Variants in ACSS2 observed in about 807,000 individuals in gnomAD.
ACSS2 encodes the protein acyl-CoA synthetase short chain family member 2.
A neutral mutation model predicts 90.6 loss-of-function variants in ACSS2; 58 were observed. That is an observed-to-expected ratio of 0.64 (90% CI 0.52 to 0.80). ACSS2 has a LOEUF of 0.80. Ranked by LOEUF, ACSS2 falls within the 30% of genes least tolerant of loss-of-function variation. ACSS2 has a pLI of 0.00. For missense variants in ACSS2, 759 were observed against 912.0 expected (o/e 0.83, Z 2.16); for synonymous variants, 300 against 330.9 (o/e 0.91, Z 1.01).
Position 34,914,796 on chromosome 20 carries a change from G to A in ACSS2, c.834+359G>A, listed in dbSNP as rs537642158. Among the ~76,000 whole-genome samples, 35 of 152,298 alleles carry A rather than the reference G, an allele frequency of 2.3e-4. No individual in the cohort carries two copies. The South Asian group carries it at 7.2e-3, about 32-fold the overall frequency. On this transcript the variant is annotated intron_variant, in intron 7 of 17. Coordinates refer to ENST00000360596, the MANE Select transcript of ACSS2 (RefSeq NM_018677.4). ...ATTACTAGGCTGTGATGTGGGGTGG[G>A]CTATCTTTGTGGCCTAAGGGATGCC... is the stretch of plus-strand genomic sequence containing the variant.
chr20:34,899,690 T>A (rs1361733850), intron 2 of ACSS2, among the ~76,000 whole-genome samples: 1 of 152,008 alleles, frequency 6.6e-6, no homozygotes, highest in South Asian at 2.1e-4. Context: ...GGTTTCACCA[T>A]GTTGGCCAGG....
chr20:34,896,663 A>G (rs2080468235), intron 2 of ACSS2, among the ~76,000 whole-genome samples: 1 of 152,252 alleles, frequency 6.6e-6, no homozygotes, highest in African/African-American at 2.4e-5. Context: ...CCTGTCTGCC[A>G]TTAAGGAACT....
intron 1 of ACSS2, among the ~76,000 whole-genome samples, chr20:34,880,553 T>A (rs1434500147): frequency 6.6e-6 from 1 of 151,546 alleles, no homozygotes; most frequent in African/African-American, 2.4e-5. Flanking sequence ...GCTAAAAAAA[T>A]AATAATAATA....
At chr20:34,905,792 T>C (rs933558065) in intron 2 of ACSS2, among the ~76,000 whole-genome samples, 2 of 152,246 alleles carry the variant, frequency 1.3e-5, no homozygotes, top group African/African-American at 4.8e-5. Context: ...TGTTTTCTTA[T>C]AGGGAAGTGG....
chr20:34,881,527 A>G (rs1412689451), intron 1 of ACSS2, among the ~76,000 whole-genome samples: 1 of 152,136 alleles, frequency 6.6e-6, no homozygotes, highest in African/African-American at 2.4e-5. Context: ...TCCTTATTAT[A>G]CACAGAATTG....
chr20:34,926,898 T>G lies in ACSS2; in HGVS notation c.1925T>G (p.Ile642Ser). Reference protein sequence around the residue: ...KKQIREKIGPIATPDYIQNAP... With the variant: ...KKQIREKIGPSATPDYIQNAP... Reference sequence around the variant, plus strand: ...ACAGTTAGAGAAAAGATTGGCCCCATTGCCACACCAGACTACATCCAGAAT... The same window carrying G: ...ACAGTTAGAGAAAAGATTGGCCCCAGTGCCACACCAGACTACATCCAGAAT... The change falls in exon 17 of 18, where the codon ATT becomes AGT. Residue 642 changes from isoleucine (I) to serine (S), a missense_variant. Transcript: ENST00000360596. 3 of 1,614,066 alleles carry G rather than the reference T, an allele frequency of 1.9e-6. No individual in the cohort carries two copies. Among genetic ancestry groups the G allele is most frequent in the Non-Finnish European group, 1.7e-6 (2 of 1,180,006 alleles).
chr20:34,913,946 C>A, intron 5 of ACSS2, 121 bp downstream of exon 5: 1 of 1,347,186 alleles, frequency 7.4e-7, no homozygotes, highest in Non-Finnish European at 1.1e-6. Flanking sequence ...CCTTTTCTCT[C>A]CTGGTCCCAC....
chr20:34,888,212 A>C (rs2080246872), intron 2 of ACSS2, among the ~76,000 whole-genome samples: 1 of 152,136 alleles, frequency 6.6e-6, no homozygotes, highest in Non-Finnish European at 1.5e-5. Flanking sequence ...TTTTGGTGTC[A>C]GACTAACCCA....
chr20:34,884,075 A>G (rs909957096), intron 2 of ACSS2, among the ~76,000 whole-genome samples: 1 of 152,136 alleles, frequency 6.6e-6, no homozygotes, highest in Non-Finnish European at 1.5e-5. Context: ...CCTCCTGAGT[A>G]GGTGGGACTA....
Position 34,923,304 on chromosome 20 carries a change from TC to T in ACSS2, c.1549-16del. On this transcript the variant is annotated intron_variant, in intron 13 of 17. Transcript: ENST00000360596. ...GACAGCATAGCAAATGTGATCACTG[TC>T]CCTTCCTCACTCCCCAGGTGTTCAA... 1.3e-6 allele frequency: 2 copies of T among 1,564,206 alleles called. No homozygotes were observed. The highest frequency in any genetic ancestry group is 1.8e-6 in the Non-Finnish European group (2 of 1,134,622).
In ACSS2 at chr20:34,927,304, A is replaced by T. The variant is rs2081342161; in HGVS notation, c.*90A>T. Reference sequence around the variant, plus strand: ...TCAGGAGTGCTGAGGGCCAGTGTTGACCCACACTACCCTCCCTTGACCAGC... The same window carrying T: ...TCAGGAGTGCTGAGGGCCAGTGTTGTCCCACACTACCCTCCCTTGACCAGC... On this transcript the variant is annotated 3_prime_UTR_variant, in exon 18 of 18. Transcript: ENST00000360596. This position sits in a 1 kb window ranked among gnomAD's most constrained non-coding sequence, Gnocchi z 4.2. 5.9e-6 allele frequency: 9 copies of T among 1,520,088 alleles called. No homozygotes were observed. The highest frequency in any genetic ancestry group is 8.1e-6 in the Non-Finnish European group (9 of 1,113,130). The allele number at this position is 1,520,088 out of a possible 1,614,324, so 94.2% of individuals were successfully genotyped here.
In ACSS2 at chr20:34,914,521, C is replaced by T. The variant is rs149706291; in HGVS notation, c.834+84C>T. On this transcript the variant is annotated intron_variant, in intron 7 of 17. Transcript: ENST00000360596. ...AGAAAATTCTTGATGTCCTTCTTTG[C>T]CTGCTCATCAGTATACTGAGGATCC... is the stretch of plus-strand genomic sequence containing the variant. 4.6e-4 allele frequency: 555 copies of T among 1,214,580 alleles called. 5 individuals are homozygous for T. In the African/African-American group the frequency reaches 7.2e-3, roughly 16 times the overall value. 75.2% of individuals were successfully genotyped at this position (1,214,580 alleles called of 1,614,324 possible).
At position 34,926,200 on chromosome 20, in the gene ACSS2, G is replaced by A. The variant is rs767041380; in HGVS notation, c.1822G>A (p.Gly608Ser). 22 of 1,614,082 alleles carry A rather than the reference G, an allele frequency of 1.4e-5. No homozygotes were observed. Among genetic ancestry groups the A allele is most frequent in the South Asian group, 1.2e-4 (11 of 91,088 alleles). ...GGTGGGCCACCCTCATCCTGTGAAG[G>A]GTGAATGCCTCTACTGCTTTGTCAC... ...AVVGHPHPVK[G>S]ECLYCFVTLC... The change falls in exon 16 of 18, where the codon GGT becomes AGT. Residue 608 changes from glycine (G) to serine (S), a missense_variant. Coordinates refer to ENST00000360596, the MANE Select transcript of ACSS2 (RefSeq NM_018677.4).
intron 7 of ACSS2, among the ~76,000 whole-genome samples, chr20:34,916,329 G>A (rs888367548): frequency 5.3e-5 from 8 of 152,142 alleles, no homozygotes; most frequent in Non-Finnish European, 7.3e-5. Context: ...AAGCTCTCTC[G>A]CTTGTTTCTC....
At chr20:34,906,312 G>GT (rs1568984155) in intron 2 of ACSS2, among the ~76,000 whole-genome samples, 1 of 145,308 alleles carries the variant, frequency 6.9e-6, no homozygotes, top group Non-Finnish European at 1.5e-5. Flanking sequence ...TCCAGCCTGG[G>GT]TAACAGAGCA....
intron 2 of ACSS2, among the ~76,000 whole-genome samples, chr20:34,909,907 G>A (rs1386823817): frequency 6.6e-6 from 1 of 151,948 alleles, no homozygotes; most frequent in Non-Finnish European, 1.5e-5. Flanking sequence ...AGTAGAGATG[G>A]GGTTTTGCCA....
chr20:34,883,238 C>CA (rs1246647543), intron 2 of ACSS2, among the ~76,000 whole-genome samples: 3 of 152,126 alleles, frequency 2.0e-5, no homozygotes, highest in African/African-American at 7.2e-5. Flanking sequence ...AGGGCATTGG[C>CA]AAATGGAAGA....
chr20:34,877,882 A>T (rs1227386807), intron 1 of ACSS2, among the ~76,000 whole-genome samples: 1 of 143,082 alleles, frequency 7.0e-6, no homozygotes, highest in South Asian at 2.2e-4. Flanking sequence ...CCTTGCCCTC[A>T]GTCTGGGTAA....
chr20:34,887,824 A>C (rs1470848253), intron 2 of ACSS2, among the ~76,000 whole-genome samples: 24 of 151,830 alleles, frequency 1.6e-4, no homozygotes. Context: ...TAATCCCAAC[A>C]CTTTGGGAGG....
Sources: allele counts gnomAD v4.1 joint callset (sites outside exome capture counted in the v4.1 genomes callset), GRCh38; gene constraint gnomAD v4.1.1; non-coding constraint Gnocchi (gnomAD v3.1); transcripts MANE v1.5; gene names NCBI Gene and HGNC (gene_info 2026-07-23, HGNC 2026-07-21).